RGP1: variants seen among roughly 807,000 people sequenced by gnomAD.
RGP1 encodes RAB6A-GEF complex partner protein 2.
RGP1 carries 28 observed loss-of-function variants against 44.5 expected under a neutral mutation model. The ratio of observed to expected loss-of-function variants is 0.63; its 90% CI spans 0.47 to 0.86. RGP1 has a LOEUF of 0.86. Ranked by LOEUF, RGP1 falls within the 40% of genes least tolerant of loss-of-function variation. The pLI is 0.00. For synonymous variants in RGP1, 212 were observed against 196.7 expected, an observed-to-expected ratio of 1.08 and a Z score of -0.65; for missense variants, 417 against 490.7, an observed-to-expected ratio of 0.85 and a Z score of 1.42.
the RGP1 span, among the ~76,000 whole-genome samples, chr9:35,780,023 C>T: frequency 6.6e-6 from 1 of 152,216 alleles, no homozygotes; most frequent in Non-Finnish European, 1.5e-5. Context: ...CAGGCATGAG[C>T]CACCATGTGC....
chr9:35,779,755 T>C, the RGP1 span, among the ~76,000 whole-genome samples: 1 of 152,186 alleles, frequency 6.6e-6, no homozygotes. Flanking sequence ...GCATCTTTTT[T>C]TTTAAGATGG....
At chr9:35,759,519 A>G (rs1343003284), downstream of RGP1, among the ~76,000 whole-genome samples, 3 of 127,968 alleles carry the variant, frequency 2.3e-5, no homozygotes, top group Non-Finnish European at 4.7e-5. Context: ...CCGAGATTGC[A>G]TCACTGCACT....
chr9:35,774,942 G>A, the RGP1 span, among the ~76,000 whole-genome samples: 5 of 152,120 alleles, frequency 3.3e-5, no homozygotes, highest in East Asian at 9.7e-4. Context: ...TCCCCATATT[G>A]TCTCGAGGAT....
chr9:35,786,368 C>T, the RGP1 span, among the ~76,000 whole-genome samples: 63 of 152,286 alleles, frequency 4.1e-4, 1 homozygote, highest in South Asian at 0.012. Context: ...TTCATGCTAT[C>T]GGATGCTCCC....
chr9:35,763,881 C>CAAAAAAAAAAAAAAA, the RGP1 span, among the ~76,000 whole-genome samples: 1 of 81,942 alleles, frequency 1.2e-5, no homozygotes, highest in Non-Finnish European at 2.2e-5. Context: ...GACTCCATCT[C>CAAAAAAAAAAAAAAA]AAAAAAAAAA....
chr9:35,749,618 A>G lies in RGP1; in HGVS notation c.-19-119A>G. 1.4e-6 allele frequency: 1 copy of G among 703,374 alleles called. No homozygotes were observed. Among genetic ancestry groups the G allele is most frequent in the Middle Eastern group, 2.5e-4 (1 of 3,930 alleles). The allele number at this position is 703,374 out of a possible 1,614,324, so 43.6% of individuals were successfully genotyped here. A position where few individuals can be genotyped will look rare whatever the true frequency, so the allele number is the denominator to read the frequency against. ...CCCGCCTACCCCTCCTATATCCAGGAGCTCCCTCGGGCACCACGGTGCTGA... is the reference window on the plus strand; with the variant it reads ...CCCGCCTACCCCTCCTATATCCAGGGGCTCCCTCGGGCACCACGGTGCTGA... On this transcript the variant is annotated intron_variant, in intron 1 of 8. Transcript: ENST00000378078. This position sits in a 1 kb window ranked among gnomAD's most constrained non-coding sequence, Gnocchi z 4.4.
downstream of RGP1, among the ~76,000 whole-genome samples, chr9:35,760,223 G>A (rs1379254455): frequency 6.6e-6 from 1 of 152,038 alleles, no homozygotes; most frequent in Non-Finnish European, 1.5e-5. Flanking sequence ...AAACTGTGTA[G>A]CACTGATTTC....
the RGP1 span, among the ~76,000 whole-genome samples, chr9:35,764,150 A>G: frequency 6.6e-6 from 1 of 152,160 alleles, no homozygotes; most frequent in Non-Finnish European, 1.5e-5. Context: ...AAGAAGAAGA[A>G]AAAAGAAGTG....
At chr9:35,787,507 G>A in the RGP1 span, among the ~76,000 whole-genome samples, 1 of 152,198 alleles carries the variant, frequency 6.6e-6, no homozygotes, top group African/African-American at 2.4e-5. Context: ...TGGGATTACA[G>A]GCATGAGTCA....
the RGP1 span, among the ~76,000 whole-genome samples, chr9:35,779,258 G>C: frequency 6.6e-6 from 1 of 152,010 alleles, no homozygotes; most frequent in Non-Finnish European, 1.5e-5. Context: ...GGCTATATAA[G>C]ATAAAAGATG....
At chr9:35,751,204 C>G in intron 5 of RGP1, 62 bp from the exon 6 acceptor site, 1 of 1,588,586 alleles carries the variant, frequency 6.3e-7, no homozygotes. Context: ...ATCTAAAACC[C>G]TAACCTCTAC....
Position 35,751,967 on chromosome 9 carries a change from C to T in RGP1, c.774C>T (p.Ser258=). 3 of 1,577,010 alleles carry T rather than the reference C, an allele frequency of 1.9e-6. No homozygotes were observed. The highest frequency in any genetic ancestry group is 1.7e-6 in the Non-Finnish European group (2 of 1,160,928). Residue 258 remains serine (S), a synonymous_variant, in exon 8 of 9, where the codon AGC becomes AGT. Transcript: ENST00000378078. ...GTVACLQFSV[S]LQTEERVQPE... ...TCTCTTGCTCCCAGTTTTCAGTCAG[C>T]TTACAGACCGAGGAGCGTGTACAGC...
rs769849560 is a variant in RGP1 at position 35,749,420 on chromosome 9, C to A, written c.-20+12C>A. The A allele has an allele frequency of 1.8e-6, 1 of 570,678 alleles. No homozygotes were observed. Among genetic ancestry groups the A allele is most frequent in the Non-Finnish European group, 3.5e-6 (1 of 283,966 alleles). The allele number at this position is 570,678 out of a possible 1,614,324, so 35.4% of individuals were successfully genotyped here. ...GTCGACTATGCGAGGTGACTAGCGG[C>A]GGTGATCTTGGGCTGGGACGTGGAA... On this transcript the variant is annotated intron_variant, in intron 1 of 8. Transcript: ENST00000378078. This position sits in a 1 kb window ranked among gnomAD's most constrained non-coding sequence, Gnocchi z 4.4.
chr9:35,759,707 G>A (rs1827401977), downstream of RGP1, among the ~76,000 whole-genome samples: 1 of 151,784 alleles, frequency 6.6e-6, no homozygotes, highest in African/African-American at 2.4e-5. Context: ...CTATCTTGGG[G>A]GTGATTAGGA....
the RGP1 span, among the ~76,000 whole-genome samples, chr9:35,768,815 G>T: frequency 2.8e-4 from 42 of 152,202 alleles, no homozygotes; most frequent in Non-Finnish European, 5.0e-4. Context: ...CAGGAGAGGG[G>T]TTGCTATCTG....
At position 35,753,545 on chromosome 9, in the gene RGP1, C is replaced by T. The variant is rs1270610643; in HGVS notation, c.*671C>T. 1.1e-6 allele frequency: 1 copy of T among 944,172 alleles called. No homozygotes were observed. Among genetic ancestry groups the T allele is most frequent in the African/African-American group, 1.6e-5 (1 of 60,938 alleles). 58.5% of individuals were successfully genotyped at this position (944,172 alleles called of 1,614,324 possible). On this transcript the variant is annotated 3_prime_UTR_variant, in exon 9 of 9. Transcript: ENST00000378078. This position sits in a 1 kb window ranked among gnomAD's most constrained non-coding sequence, Gnocchi z 4.2. Reference sequence around the variant, plus strand: ...TAGTGTTGGTCCCTTCAGGTTTGGCCCATCTTGTATTGCTCTTCTGTTCAT... The same window carrying T: ...TAGTGTTGGTCCCTTCAGGTTTGGCTCATCTTGTATTGCTCTTCTGTTCAT...
At chr9:35,759,431 G>A (rs896379972), downstream of RGP1, among the ~76,000 whole-genome samples, 3 of 151,512 alleles carry the variant, frequency 2.0e-5, no homozygotes, top group South Asian at 2.1e-4. Flanking sequence ...GTGTGGTGGC[G>A]CGTTCCTGTA....
At chr9:35,766,448 T>C in the RGP1 span, among the ~76,000 whole-genome samples, 1 of 152,192 alleles carries the variant, frequency 6.6e-6, no homozygotes, top group Admixed American at 6.5e-5. Context: ...ATTTTCTTTA[T>C]AGTGTCTTTT....
At position 35,753,808 on chromosome 9, in the gene RGP1, T is replaced by C. The variant is rs1324709645; in HGVS notation, c.*934T>C. On this transcript the variant is annotated 3_prime_UTR_variant, in exon 9 of 9. Coordinates refer to ENST00000378078, the MANE Select transcript of RGP1 (RefSeq NM_001080496.3). This position sits in a 1 kb window ranked among gnomAD's most constrained non-coding sequence, Gnocchi z 4.2. ...GAAATGTTAGTAGGTGTAGGAGTGC[T>C]GATGAGAGGCAGAGGCTCTTCTGGT... 4.4e-6 allele frequency: 7 copies of C among 1,577,530 alleles called. No homozygotes were observed. The highest frequency in any genetic ancestry group is 6.1e-6 in the Non-Finnish European group (7 of 1,147,808).
Sources: gnomAD v4.1 joint callset for allele counts (sites outside exome capture counted in the v4.1 genomes callset) on GRCh38, gnomAD v4.1.1 for gene constraint, Gnocchi (gnomAD v3.1) non-coding constraint, MANE v1.5 for transcripts, NCBI Gene and HGNC (gene_info 2026-07-23, HGNC 2026-07-21) for gene names.